Variants in NAALADL2 observed in about 807,000 individuals in gnomAD.
NAALADL2 encodes N-acetylated alpha-linked acidic dipeptidase like 2.
Under a neutral mutation model 87.2 loss-of-function variants are expected in NAALADL2, and 76 were observed. That is an observed-to-expected ratio of 0.87 (90% CI 0.72 to 1.05). The LOEUF is 1.05. Ranked by LOEUF, NAALADL2 falls within the 50% of genes least tolerant of loss-of-function variation. NAALADL2 has a pLI of 0.00. For missense variants in NAALADL2, 1,089 were observed against 945.8 expected (o/e 1.15, Z -1.99); for synonymous variants, 354 against 331.0 (o/e 1.07, Z -0.75).
At chr3:174,804,668 T>C (rs961978970) in intron 3 of NAALADL2, among the ~76,000 whole-genome samples, 4 of 152,110 alleles carry the variant, frequency 2.6e-5, no homozygotes, top group African/African-American at 9.7e-5. Context: ...TCTTATGACA[T>C]GGACCCTAAC....
chr3:174,860,311 CT>C (rs972554266), intron 1 of NAALADL2, among the ~76,000 whole-genome samples: 4 of 151,872 alleles, frequency 2.6e-5, no homozygotes, highest in African/African-American at 7.2e-5. Flanking sequence ...ATCCCCGTAT[CT>C]TTTTTTATCT....
intron 2 of NAALADL2, among the ~76,000 whole-genome samples, chr3:175,134,772 C>T (rs887651643): frequency 6.6e-6 from 1 of 152,152 alleles, no homozygotes; most frequent in Non-Finnish European, 1.5e-5. Flanking sequence ...AACATTCTCC[C>T]ACCACTGCCA....
intron 10 of NAALADL2, among the ~76,000 whole-genome samples, chr3:175,592,302 CTTTTCTTTTT>C (rs1560815935): frequency 0.01 from 1,432 of 140,402 alleles, 17 homozygotes; most frequent in African/African-American, 0.033. Flanking sequence ...TTTTCTTTTT[CTTTTCTTTTT>C]TTTTTTTTTT....
intron 2 of NAALADL2, among the ~76,000 whole-genome samples, chr3:174,644,886 G>T (rs1307623834): frequency 1.3e-5 from 2 of 152,170 alleles, no homozygotes; most frequent in African/African-American, 4.8e-5. Flanking sequence ...AATCATACTT[G>T]CTTTAAAAAT....
At chr3:175,500,848 T>A (rs147479054) in intron 9 of NAALADL2, among the ~76,000 whole-genome samples, 233 of 152,210 alleles carry the variant, frequency 1.5e-3, no homozygotes, top group African/African-American at 5.5e-3. Context: ...AACACTACAT[T>A]TTGCTATATG....
chr3:175,437,865 C>T (rs953784515), intron 5 of NAALADL2, among the ~76,000 whole-genome samples: 1 of 151,840 alleles, frequency 6.6e-6, no homozygotes, highest in Non-Finnish European at 1.5e-5. Context: ...ATATTGCTTT[C>T]CACTCCCTTT....
chr3:174,583,134 A>G (rs956808137), intron 2 of NAALADL2, among the ~76,000 whole-genome samples: 2 of 152,222 alleles, frequency 1.3e-5, no homozygotes, highest in African/African-American at 2.4e-5. Context: ...AGCTGAGATA[A>G]CACTAATGCA....
intron 2 of NAALADL2, among the ~76,000 whole-genome samples, chr3:174,605,155 A>G (rs867412901): frequency 2.6e-5 from 4 of 152,354 alleles, no homozygotes; most frequent in Middle Eastern, 3.4e-3. Context: ...TGCATAAACA[A>G]ACAAGTAAAA....
chr3:175,720,021 T>TG (rs886114452), intron 11 of NAALADL2, among the ~76,000 whole-genome samples: 5 of 152,154 alleles, frequency 3.3e-5, no homozygotes, highest in Admixed American at 1.3e-4. Context: ...AATATAAACT[T>TG]GGGGGTTAGA....
chr3:174,934,372 C>A (rs1160579808), intron 1 of NAALADL2, among the ~76,000 whole-genome samples: 2 of 152,144 alleles, frequency 1.3e-5, no homozygotes, highest in East Asian at 3.8e-4. Flanking sequence ...ACCCTCAGAT[C>A]TCACTTTTGG....
chr3:175,739,621 A>C (rs1490203018), intron 12 of NAALADL2, among the ~76,000 whole-genome samples: 2 of 152,206 alleles, frequency 1.3e-5, no homozygotes, highest in Non-Finnish European at 2.9e-5. Flanking sequence ...TGGACTTCAC[A>C]TCTCCTGAAT....
At chr3:175,762,625 C>T (rs1748173112) in intron 13 of NAALADL2, among the ~76,000 whole-genome samples, 1 of 152,172 alleles carries the variant, frequency 6.6e-6, no homozygotes, top group Non-Finnish European at 1.5e-5. Flanking sequence ...GACCCAAGTT[C>T]TCTTTCCCCA....
intron 2 of NAALADL2, among the ~76,000 whole-genome samples, chr3:175,185,162 G>A (rs1353619866): frequency 2.0e-5 from 3 of 152,072 alleles, no homozygotes; most frequent in Non-Finnish European, 2.9e-5. Context: ...ACAATTCAAA[G>A]CCCTATTAAA....
At chr3:175,085,226 G>C (rs111753406) in intron 1 of NAALADL2, among the ~76,000 whole-genome samples, 2,709 of 152,198 alleles carry the variant, frequency 0.018, 76 homozygotes, top group African/African-American at 0.062. Flanking sequence ...CTTCAACTCT[G>C]TCTCTTAATA....
intron 2 of NAALADL2, among the ~76,000 whole-genome samples, chr3:175,135,226 T>C (rs1728925329): frequency 6.6e-6 from 1 of 152,186 alleles, no homozygotes; most frequent in South Asian, 2.1e-4. Context: ...TCTCGGTTAA[T>C]GTGAAGAATT....
chr3:175,173,349 T>C (rs1047191008), intron 2 of NAALADL2, among the ~76,000 whole-genome samples: 14 of 143,668 alleles, frequency 9.7e-5, no homozygotes, highest in South Asian at 2.3e-4. Flanking sequence ...AATAAATAAA[T>C]AAGCAAGCCA....
chr3:175,383,082 G>A (rs529184438), intron 5 of NAALADL2, among the ~76,000 whole-genome samples: 1 of 151,914 alleles, frequency 6.6e-6, no homozygotes, highest in Non-Finnish European at 1.5e-5. Flanking sequence ...TATTTACAGG[G>A]TATATGTGAT....
At chr3:175,391,702 C>CT (rs1297553463) in intron 5 of NAALADL2, among the ~76,000 whole-genome samples, 1 of 152,070 alleles carries the variant, frequency 6.6e-6, no homozygotes, top group East Asian at 1.9e-4. Context: ...TATTATTAAG[C>CT]TGCTGAGTTT....
chr3:174,667,545 G>GTTTTTTTTTTTTTTTTTTTTTTTTTTT (rs71162402), intron 2 of NAALADL2, among the ~76,000 whole-genome samples: 1 of 123,770 alleles, frequency 8.1e-6, no homozygotes. Flanking sequence ...ATGGGAGAGA[G>GTTTTTTTTTTTTTTTTTTTTTTTTTTT]TTTTTTTTTT....
Sources: gnomAD v4.1 joint callset for allele counts (sites outside exome capture counted in the v4.1 genomes callset) on GRCh38, gnomAD v4.1.1 for gene constraint, MANE v1.5 for transcripts, NCBI Gene and HGNC (gene_info 2026-07-23, HGNC 2026-07-21) for gene names.